Variants in DNAH8 observed in about 807,000 individuals in gnomAD.
DNAH8 encodes the protein axonemal beta dynein heavy chain 8.
DNAH8 carries 382 observed loss-of-function variants against 562.1 expected under a neutral mutation model. That is an observed-to-expected ratio of 0.68 (90% CI 0.63 to 0.74). The LOEUF (loss-of-function observed/expected upper bound fraction) is 0.74, where lower values mean the gene tolerates loss of function less well. Ranked by LOEUF, DNAH8 falls within the 30% of genes least tolerant of loss-of-function variation. The pLI is 0.00. For missense variants in DNAH8, 5,203 were observed against 5,620.4 expected (o/e 0.93, Z 2.37); for synonymous variants, 1,881 against 1,919.4 (o/e 0.98, Z 0.52).
At chr6:38,931,737 C>A in intron 75 of DNAH8, 74 bp from the exon 76 acceptor site, 1 of 999,604 alleles carries the variant, frequency 1.0e-6, no homozygotes, top group African/African-American at 1.7e-5. Context: ...CAGGTAAATT[C>A]TTTTCTAAAT....
intron 80 of DNAH8, 121 bp downstream of exon 80, chr6:38,945,709 G>A: frequency 7.5e-7 from 1 of 1,325,102 alleles, no homozygotes; most frequent in East Asian, 2.4e-5. Flanking sequence ...CAATAGTTTG[G>A]ATTTGAGGCT....
At chr6:38,843,764 A>G (rs1426005142) in intron 35 of DNAH8, among the ~76,000 whole-genome samples, 1 of 151,800 alleles carries the variant, frequency 6.6e-6, no homozygotes, top group African/African-American at 2.4e-5. Flanking sequence ...TGTAATTTTT[A>G]TTGGGGTGGC....
At chr6:38,862,495 T>A in intron 44 of DNAH8, 37 bp downstream of exon 44, 2 of 1,564,670 alleles carry the variant, frequency 1.3e-6, no homozygotes, top group Non-Finnish European at 8.7e-7. Flanking sequence ...TTAGGTGAAT[T>A]TATTTTTATT....
chr6:38,805,453 A>G (rs1583052616), intron 22 of DNAH8, 28 bp from the exon 23 acceptor site: 2 of 1,395,466 alleles, frequency 1.4e-6, no homozygotes, highest in East Asian at 4.6e-5. Context: ...GTCAAATGTT[A>G]TATTTTTGTT....
chr6:38,799,653 C>G (rs1160815227), intron 21 of DNAH8, among the ~76,000 whole-genome samples: 1 of 152,190 alleles, frequency 6.6e-6, no homozygotes, highest in East Asian at 1.9e-4. Flanking sequence ...AAGTGTACAT[C>G]TCAATGCTTT....
At chr6:38,911,380 G>T in intron 65 of DNAH8, 88 bp from the exon 66 acceptor site, 1 of 963,332 alleles carries the variant, frequency 1.0e-6, no homozygotes, top group South Asian at 1.3e-5. Flanking sequence ...CACTCTACAT[G>T]ATCACACTGA....
At chr6:38,961,356 T>C (rs1460040137) in intron 82 of DNAH8, among the ~76,000 whole-genome samples, 1 of 152,034 alleles carries the variant, frequency 6.6e-6, no homozygotes, top group East Asian at 1.9e-4. Flanking sequence ...AATTACCTGA[T>C]TTGATCATTA....
At chr6:38,895,096 TTTG>T (rs766500764) in intron 59 of DNAH8, among the ~76,000 whole-genome samples, 6 of 151,730 alleles carry the variant, frequency 4.0e-5, no homozygotes, top group Non-Finnish European at 8.8e-5. Context: ...GGCCGGCTAT[TTTG>T]TTGTTGTTGT....
intron 22 of DNAH8, among the ~76,000 whole-genome samples, chr6:38,803,635 A>T (rs1469877293): frequency 2.0e-5 from 3 of 150,938 alleles, no homozygotes; most frequent in African/African-American, 7.3e-5. Context: ...ATTCTTATCA[A>T]GTCACTTTGA....
At chr6:38,986,253 A>C (rs923037236) in intron 87 of DNAH8, among the ~76,000 whole-genome samples, 1 of 152,232 alleles carries the variant, frequency 6.6e-6, no homozygotes, top group Non-Finnish European at 1.5e-5. Flanking sequence ...GTAGAGGCCT[A>C]TGGTGGCATA....
chr6:38,807,318 T>C lies in DNAH8; in HGVS notation c.3151-292T>C, dbSNP rs187977989. 2.4e-3 allele frequency among the ~76,000 whole-genome samples: 370 copies of C among 152,348 alleles called. 4 individuals carry two copies. The highest frequency in any genetic ancestry group is 8.6e-3 in the African/African-American group (357 of 41,584). ...AATTTTGTTAGGTGAAAATTGAGTATTGAGCAAGCCAGGATTACTCTGAAC... is the reference window on the plus strand; with the variant it reads ...AATTTTGTTAGGTGAAAATTGAGTACTGAGCAAGCCAGGATTACTCTGAAC... On this transcript the variant is annotated intron_variant, in intron 23 of 92. Transcript: ENST00000327475.
chr6:38,737,878 A>G lies in DNAH8; in HGVS notation c.1022A>G (p.His341Arg). 1 of 1,597,988 alleles carries G rather than the reference A, an allele frequency of 6.3e-7. No homozygotes were observed. The highest frequency in any genetic ancestry group is 8.5e-7 in the Non-Finnish European group (1 of 1,174,154). ...GACAATGTTAATTTTTCCAAACTGC[A>G]CACCTTTGAAGAAGTAACTGCTGCA... ...TIDNVNFSKL[H>R]TFEEVTAAAS... The change falls in exon 7 of 93, where the codon CAC becomes CGC. Residue 341 changes from histidine (H) to arginine (R), a missense_variant. His to Arg is a conservative substitution (Grantham distance 29, BLOSUM62 0). Transcript: ENST00000327475.
At chr6:38,783,520 C>T (rs1216127098) in intron 17 of DNAH8, among the ~76,000 whole-genome samples, 1 of 152,202 alleles carries the variant, frequency 6.6e-6, no homozygotes, top group Non-Finnish European at 1.5e-5. Context: ...TTTCCTCTCT[C>T]CCTGCTTCCC....
Position 38,872,872 on chromosome 6 carries a change from G to A in DNAH8, c.7238-34G>A, listed in dbSNP as rs766025919. The A allele has an allele frequency of 8.7e-6, 14 of 1,608,084 alleles. No individual in the cohort carries two copies. The South Asian group carries it at 1.6e-4, about 18-fold the overall frequency. ...ATTTTTCCATTTTAATTACTTGCAAGTGAAAAGTGATTTTCTGTTTTAATT... is the reference window on the plus strand; with the variant it reads ...ATTTTTCCATTTTAATTACTTGCAAATGAAAAGTGATTTTCTGTTTTAATT... On this transcript the variant is annotated intron_variant, in intron 50 of 92. Transcript: ENST00000327475.
At chr6:38,849,572 C>CT (rs10707927) in intron 37 of DNAH8, among the ~76,000 whole-genome samples, 48 of 141,606 alleles carry the variant, frequency 3.4e-4, no homozygotes, top group Middle Eastern at 3.4e-3. Context: ...TTTTTTTTTG[C>CT]TTTTTTTTTT....
intron 87 of DNAH8, among the ~76,000 whole-genome samples, chr6:38,986,574 GA>G (rs66568103): frequency 0.15 from 22,363 of 151,028 alleles, 2,193 homozygotes; most frequent in East Asian, 0.51. Context: ...ATTCAAAGGA[GA>G]AAAAAAAAGA....
intron 17 of DNAH8, 84 bp downstream of exon 17, chr6:38,783,223 C>A (rs1456834348): frequency 8.2e-7 from 1 of 1,224,996 alleles, no homozygotes; most frequent in Non-Finnish European, 1.2e-6. Context: ...CTTTTTCCAT[C>A]CCTTCCACAT....
intron 33 of DNAH8, among the ~76,000 whole-genome samples, chr6:38,841,131 A>G (rs1774745093): frequency 6.6e-6 from 1 of 152,148 alleles, no homozygotes; most frequent in Non-Finnish European, 1.5e-5. Flanking sequence ...ATTACAAGAT[A>G]GAATGGGCTG....
Position 38,883,992 on chromosome 6 carries a change from A to C in DNAH8, c.8253A>C (p.Gly2751=). The C allele has an allele frequency of 6.4e-7, 1 of 1,551,470 alleles. No individual in the cohort carries two copies. The highest frequency in any genetic ancestry group is 8.7e-7 in the Non-Finnish European group (1 of 1,146,274). Residue 2751 remains glycine (G), a synonymous_variant, in exon 56 of 93, where the codon GGA becomes GGC. Coordinates refer to ENST00000327475, the MANE Select transcript of DNAH8 (RefSeq NM_001206927.2). ...DINMPVINEW[G]DQITNEIVRQ... ...ATATGCCTGTGATTAATGAGTGGGG[A>C]GATCAGGTATGGCTGAAATATCTCA...
Sources: gnomAD v4.1 joint callset for allele counts (sites outside exome capture counted in the v4.1 genomes callset) on GRCh38, gnomAD v4.1.1 for gene constraint, MANE v1.5 for transcripts, NCBI Gene and HGNC (gene_info 2026-07-23, HGNC 2026-07-21) for gene names.